The following SIRPA variants were observed in gnomAD, a reference collection of about 807,000 sequenced individuals.
SIRPA encodes signal regulatory protein alpha.
In SIRPA, 9 loss-of-function variants were observed where a neutral mutation model predicts 50.3. The ratio of observed to expected loss-of-function variants is 0.18; its 90% CI spans 0.11 to 0.31. SIRPA has a LOEUF of 0.31. Among genes scored for constraint, SIRPA ranks in the 10% least tolerant of loss-of-function variants. The probability of loss-of-function intolerance (pLI) is 1.00; values close to 1 mark genes in which losing one functional copy is unlikely to be tolerated. For missense variants in SIRPA, 474 were observed against 661.6 expected (o/e 0.72, Z 3.11); for synonymous variants, 265 against 284.1 (o/e 0.93, Z 0.68).
chr20:1,922,166 A>G (rs1600436456), intron 3 of SIRPA, 147 bp from the exon 4 acceptor site: 3 of 814,668 alleles, frequency 3.7e-6, no homozygotes, highest in South Asian at 1.8e-5. Flanking sequence ...TTCATATGCA[A>G]AGAGCACCCT....
Position 1,933,930 on chromosome 20 carries a change from T to A in SIRPA, c.1227-785T>A, listed in dbSNP as rs1237968163. On this transcript the variant is annotated intron_variant, in intron 6 of 7. Coordinates refer to ENST00000358771, the MANE Select transcript of SIRPA (RefSeq NM_001040023.2). The surrounding 1 kb of genome is among the most constrained non-coding windows in gnomAD (Gnocchi z 4.4). ...GACATCTTGGTCTTTTTCTTTTCTT[T>A]CTTTAATGATGATACATAGATGTTT... Among the ~76,000 whole-genome samples the A allele has an allele frequency of 6.6e-6, 1 of 152,152 alleles. No homozygotes were observed. The highest frequency in any genetic ancestry group is 1.5e-5 in the Non-Finnish European group (1 of 68,030).
In SIRPA at chr20:1,921,585, C is replaced by G. The variant is rs1225722948; in HGVS notation, c.627C>G (p.Ile209Met). The change falls in exon 3 of 8, where the codon ATC becomes ATG. Residue 209 changes from isoleucine to methionine, a missense_variant. Physicochemically the swap from Ile to Met is conservative, Grantham distance 10. Coordinates refer to ENST00000358771, the MANE Select transcript of SIRPA (RefSeq NM_001040023.2). ...DPVGESVSYSIHSTAKVVLTR... is the reference protein window; with the variant it reads ...DPVGESVSYSMHSTAKVVLTR... ...TAGGAGAGAGCGTGTCCTACAGCAT[C>G]CACAGCACAGCCAAGGTGGTGCTGA... is the stretch of plus-strand genomic sequence containing the variant. 1 of 1,614,236 alleles carries G rather than the reference C, an allele frequency of 6.2e-7. No homozygotes were observed. Among genetic ancestry groups the G allele is most frequent in the East Asian group, 2.2e-5 (1 of 44,882 alleles).
intron 1 of SIRPA, among the ~76,000 whole-genome samples, chr20:1,911,883 G>C (rs1279149073): frequency 6.7e-6 from 1 of 150,204 alleles, no homozygotes; most frequent in Non-Finnish European, 1.5e-5. Context: ...CCAGAGCCAG[G>C]AGTGATTTTT....
chr20:1,938,540 G>A lies in SIRPA; in HGVS notation c.*972G>A, dbSNP rs1986724745. On this transcript the variant is annotated 3_prime_UTR_variant, in exon 8 of 8. Transcript: ENST00000358771. The stretch of plus-strand genomic sequence containing the variant: ...AGGTTTAACAGTTTGTTGTCCTGGA[G>A]GGATTTTCTTACAGCGAAGACTTGA... 1 of 152,656 alleles carries A rather than the reference G, an allele frequency of 6.6e-6. No individual in the cohort carries two copies. The highest frequency in any genetic ancestry group is 1.5e-5 in the Non-Finnish European group (1 of 68,044). 9.5% of individuals were successfully genotyped at this position (152,656 alleles called of 1,614,324 possible). A position where few individuals can be genotyped will look rare whatever the true frequency, so the allele number is the denominator to read the frequency against.
At chr20:1,913,835 A>G (rs1184956661) in intron 1 of SIRPA, among the ~76,000 whole-genome samples, 1 of 151,900 alleles carries the variant, frequency 6.6e-6, no homozygotes, top group Non-Finnish European at 1.5e-5. Flanking sequence ...TCTTCAACGC[A>G]TCTCATGACA....
rs894521849 is a variant in SIRPA, at chr20:1,934,962, C to G, written c.1266+208C>G. Among the ~76,000 whole-genome samples, 1 of 152,282 alleles carries G rather than the reference C, an allele frequency of 6.6e-6. No homozygotes were observed. Among genetic ancestry groups the G allele is most frequent in the East Asian group, 1.9e-4 (1 of 5,170 alleles). On this transcript the variant is annotated intron_variant, in intron 7 of 7. Transcript: ENST00000358771. The surrounding 1 kb of genome is among the most constrained non-coding windows in gnomAD (Gnocchi z 4.6). Reference sequence around the variant, plus strand: ...GCTGTTGCAGCCTCATGACTCAGTGCGACCCATTGCACAACTCCCCAGGGG... The same window carrying G: ...GCTGTTGCAGCCTCATGACTCAGTGGGACCCATTGCACAACTCCCCAGGGG...
Position 1,930,752 on chromosome 20 carries a change from G to A in SIRPA, c.1226+2853G>A, listed in dbSNP as rs552750293. ...ATTACAGGCATGCGCCACCACCCCCGGCTAATTTTGTATTTTTAGTAGAGA... is the reference window on the plus strand; with the variant it reads ...ATTACAGGCATGCGCCACCACCCCCAGCTAATTTTGTATTTTTAGTAGAGA... On this transcript the variant is annotated intron_variant, in intron 6 of 7. Coordinates refer to ENST00000358771, the MANE Select transcript of SIRPA (RefSeq NM_001040023.2). Among the ~76,000 whole-genome samples the A allele has an allele frequency of 3.9e-5, 6 of 152,066 alleles. No homozygotes were observed. In the South Asian group the frequency reaches 1.3e-3, roughly 32 times the overall value.
At chr20:1,894,232 G>A (rs1411340072), upstream of SIRPA, 1 of 152,246 alleles carries the variant, frequency 6.6e-6, no homozygotes, top group Non-Finnish European at 1.5e-5. This position sits in a 1 kb window ranked among gnomAD's most constrained non-coding sequence, Gnocchi z 4.0. Flanking sequence ...ACCTCCTGGG[G>A]AGGGTTAAAA....
At chr20:1,918,453 C>T (rs768964590) in intron 2 of SIRPA, among the ~76,000 whole-genome samples, 3 of 148,756 alleles carry the variant, frequency 2.0e-5, no homozygotes, top group African/African-American at 7.4e-5. Context: ...CTCAGGTGAT[C>T]CCCCCACCTC....
intron 1 of SIRPA, among the ~76,000 whole-genome samples, chr20:1,904,918 A>G (rs1984456846): frequency 6.6e-6 from 1 of 152,060 alleles, no homozygotes; most frequent in African/African-American, 2.4e-5. Flanking sequence ...ACATTCCTGA[A>G]TTGGAGTCCA....
At chr20:1,914,959 T>C in intron 1 of SIRPA, 140 bp from the exon 2 acceptor site, 1 of 755,942 alleles carries the variant, frequency 1.3e-6, no homozygotes, top group Non-Finnish European at 2.2e-6. Flanking sequence ...GAGGGTCAAA[T>C]GAGATGATAC....
rs1311942484 is a variant in SIRPA, at chr20:1,933,444, GAGGGC to G, written c.1227-1263_1227-1259del. Among the ~76,000 whole-genome samples the G allele has an allele frequency of 1.3e-5, 2 of 150,070 alleles. No homozygotes were observed. The highest frequency in any genetic ancestry group is 3.0e-5 in the Non-Finnish European group (2 of 67,690). ...CTGGTGGGCAGATGAGTGGGTACAT[GAGGGC>G]AGGGCAGTGAATTAGCCTGGAGGCA... On this transcript the variant is annotated intron_variant, in intron 6 of 7. Transcript: ENST00000358771. The surrounding 1 kb of genome is among the most constrained non-coding windows in gnomAD (Gnocchi z 4.4).
rs79986173 is a variant in SIRPA at position 1,935,002 on chromosome 20, C to T, written c.1266+248C>T. Among the ~76,000 whole-genome samples the T allele has an allele frequency of 7.5e-4, 114 of 152,318 alleles. No homozygotes were observed. In the East Asian group the frequency reaches 0.019, roughly 25 times the overall value. On this transcript the variant is annotated intron_variant, in intron 7 of 7. Coordinates refer to ENST00000358771, the MANE Select transcript of SIRPA (RefSeq NM_001040023.2). ...CTCCCCAGGGGCACCATTCACAATC[C>T]GTCCTATGAAAATGGTGCCCTGGAG...
In SIRPA at chr20:1,939,456, A is replaced by C. The variant is rs1355399159; in HGVS notation, c.*1888A>C. On this transcript the variant is annotated 3_prime_UTR_variant, in exon 8 of 8. Coordinates refer to ENST00000358771, the MANE Select transcript of SIRPA (RefSeq NM_001040023.2). The surrounding 1 kb of genome is among the most constrained non-coding windows in gnomAD (Gnocchi z 4.7). ...CGTGTGGCATCTGGGAGCCACAGTG[A>C]CCCAGCCACCTGGCTCAGGCTAGTT... The C allele has an allele frequency of 1.3e-5, 2 of 152,148 alleles. No homozygotes were observed. Among genetic ancestry groups the C allele is most frequent in the Non-Finnish European group, 2.9e-5 (2 of 68,032 alleles). The allele number at this position is 152,148 out of a possible 1,614,324, so 9.4% of individuals were successfully genotyped here.
Position 1,932,053 on chromosome 20 carries a change from GATTC to G in SIRPA, c.1227-2632_1227-2629del, listed in dbSNP as rs3831741. On this transcript the variant is annotated intron_variant, in intron 6 of 7. Transcript: ENST00000358771. The surrounding 1 kb of genome is among the most constrained non-coding windows in gnomAD (Gnocchi z 6.0). ...ATGGCACTTAAGAGCCAGTGAGAAA[GATTC>G]ATTCATTCATTCATTCATTCATTCA... 0.11 allele frequency among the ~76,000 whole-genome samples: 17,039 copies of G among 151,482 alleles called. 1,519 individuals are homozygous for G. The highest frequency in any genetic ancestry group is 0.52 in the East Asian group (2,602 of 5,014).
At chr20:1,900,169 C>T (rs1410658312) in intron 1 of SIRPA, among the ~76,000 whole-genome samples, 5 of 145,654 alleles carry the variant, frequency 3.4e-5, no homozygotes, top group African/African-American at 1.3e-4. Context: ...GGCGTGATCT[C>T]GGCTCAACGC....
At chr20:1,926,926 G>C (rs191931417) in intron 5 of SIRPA, among the ~76,000 whole-genome samples, 9 of 152,348 alleles carry the variant, frequency 5.9e-5, no homozygotes, top group African/African-American at 1.9e-4. Flanking sequence ...CCAGCTGTGT[G>C]ACCCTGAGGA....
rs768685650 is a variant in SIRPA at position 1,924,634 on chromosome 20, G to A, written c.1088-130G>A. 3.6e-5 allele frequency: 26 copies of A among 720,866 alleles called. No individual in the cohort carries two copies. Among genetic ancestry groups the A allele is most frequent in the Admixed American group, 2.0e-4 (9 of 46,132 alleles). The allele number at this position is 720,866 out of a possible 1,614,324, so 44.7% of individuals were successfully genotyped here. A position where few individuals can be genotyped will look rare whatever the true frequency, so the allele number is the denominator to read the frequency against. On this transcript the variant is annotated intron_variant, in intron 4 of 7. Coordinates refer to ENST00000358771, the MANE Select transcript of SIRPA (RefSeq NM_001040023.2). The surrounding 1 kb of genome is among the most constrained non-coding windows in gnomAD (Gnocchi z 4.5). ...ACCCATGAGTGTGCCCATGTGGCTC[G>A]AGACATCTAAGAAGGTCCAGCCAGA...
chr20:1,895,533 ACCCCCCCGCT>A lies in SIRPA; in HGVS notation c.79+12_79+21del, dbSNP rs1339298076. The A allele has an allele frequency of 1.1e-5, 16 of 1,442,378 alleles. No homozygotes were observed. The highest frequency in any genetic ancestry group is 1.5e-5 in the Non-Finnish European group (16 of 1,099,412). The allele number at this position is 1,442,378 out of a possible 1,614,324, so 89.3% of individuals were successfully genotyped here. A position where few individuals can be genotyped will look rare whatever the true frequency, so the allele number is the denominator to read the frequency against. On this transcript the variant is annotated splice_region_variant and intron_variant, in intron 1 of 7. Transcript: ENST00000358771. ...GCGTCCTGCGCCTGGTCAGGTAAGC[ACCCCCCCGCT>A]CCCCACCGCTGCACTCCCCAAACTG...
Sources: gnomAD v4.1 joint callset for allele counts (sites outside exome capture counted in the v4.1 genomes callset) on GRCh38, gnomAD v4.1.1 for gene constraint, Gnocchi (gnomAD v3.1) non-coding constraint, MANE v1.5 for transcripts, NCBI Gene and HGNC (gene_info 2026-07-23, HGNC 2026-07-21) for gene names.